Variants in GREB1L observed in about 807,000 individuals in gnomAD.
GREB1L encodes GREB1 like retinoic acid receptor coactivator, also known as GREB1-like protein.
In GREB1L, 17 loss-of-function variants were observed where a neutral mutation model predicts 200.8. That is an observed-to-expected ratio of 0.08 (90% CI 0.06 to 0.13). The LOEUF (loss-of-function observed/expected upper bound fraction) is 0.13, where lower values mean the gene tolerates loss of function less well. Among genes scored for constraint, GREB1L ranks in the 10% least tolerant of loss-of-function variants. The pLI, the probability that GREB1L is intolerant of heterozygous loss-of-function variation, is 1.00. For missense variants in GREB1L, 1,657 were observed against 2,367.7 expected, an observed-to-expected ratio of 0.70 and a Z score of 6.23; for synonymous variants, 789 against 893.0, an observed-to-expected ratio of 0.88 and a Z score of 2.08.
chr18:21,271,121 T>C (rs1465469755), intron 1 of GREB1L, among the ~76,000 whole-genome samples: 1 of 152,208 alleles, frequency 6.6e-6, no homozygotes, highest in Non-Finnish European at 1.5e-5. Context: ...ATTCAATAGA[T>C]GATGACAAAC....
At chr18:21,459,279 C>CTTTTTTTTTTTTTTTTTTTTTTTTTT (rs746568414) in intron 15 of GREB1L, among the ~76,000 whole-genome samples, 13 of 85,912 alleles carry the variant, frequency 1.5e-4, no homozygotes, top group East Asian at 3.8e-4. Context: ...TTTTTCTTTA[C>CTTTTTTTTTTTTTTTTTTTTTTTTTT]TTTTTTTTTT....
chr18:21,400,410 A>T (rs1485966101), intron 5 of GREB1L, among the ~76,000 whole-genome samples: 1 of 152,170 alleles, frequency 6.6e-6, no homozygotes, highest in Non-Finnish European at 1.5e-5. Context: ...TAGGAATCTC[A>T]TGGAACTCCT....
intron 1 of GREB1L, among the ~76,000 whole-genome samples, chr18:21,329,980 G>A (rs2039084439): frequency 1.4e-5 from 2 of 146,934 alleles, no homozygotes; most frequent in South Asian, 4.4e-4. Context: ...GGGGGGGGGG[G>A]GTCTTTATCT....
At chr18:21,465,028 T>C (rs2035212401) in intron 15 of GREB1L, among the ~76,000 whole-genome samples, 1 of 151,792 alleles carries the variant, frequency 6.6e-6, no homozygotes, top group Non-Finnish European at 1.5e-5. Flanking sequence ...ACATGACATG[T>C]TAAGTAAACA....
At chr18:21,487,944 G>A (rs552685543) in intron 18 of GREB1L, among the ~76,000 whole-genome samples, 1 of 151,916 alleles carries the variant, frequency 6.6e-6, no homozygotes, top group Admixed American at 6.6e-5. Context: ...CTGGGAGGCG[G>A]AGGTTGCAGT....
At chr18:21,342,506 G>A (rs570602002) in intron 1 of GREB1L, among the ~76,000 whole-genome samples, 144 of 152,264 alleles carry the variant, frequency 9.5e-4, no homozygotes, top group African/African-American at 3.4e-3. Context: ...CTGCTTTAGG[G>A]TTCTCAAATC....
intron 1 of GREB1L, among the ~76,000 whole-genome samples, chr18:21,343,249 C>A (rs2039294027): frequency 6.6e-6 from 1 of 152,180 alleles, no homozygotes; most frequent in African/African-American, 2.4e-5. Flanking sequence ...CGACTGGATT[C>A]ATGGGTAAAC....
intron 8 of GREB1L, among the ~76,000 whole-genome samples, chr18:21,439,862 A>G (rs1469849032): frequency 1.3e-5 from 2 of 152,234 alleles, no homozygotes; most frequent in Non-Finnish European, 2.9e-5. Flanking sequence ...TGTATAAGGA[A>G]GTGTCTTGAA....
Position 21,462,191 on chromosome 18 carries a change from A to G in GREB1L, c.2182+7628A>G, listed in dbSNP as rs556743958. Among the ~76,000 whole-genome samples the G allele has an allele frequency of 1.8e-4, 28 of 152,326 alleles. No individual in the cohort carries two copies. The South Asian group carries it at 5.0e-3, about 27-fold the overall frequency. Reference sequence around the variant, plus strand: ...CCGCAGGTGCGCCCTGCTGATATCCATGTTTTATTGTGGAGTTGGAAAGGT... The same window carrying G: ...CCGCAGGTGCGCCCTGCTGATATCCGTGTTTTATTGTGGAGTTGGAAAGGT... On this transcript the variant is annotated intron_variant, in intron 15 of 32. Transcript: ENST00000424526.
chr18:21,495,017 C>A (rs1388104805), intron 19 of GREB1L, among the ~76,000 whole-genome samples: 1 of 152,090 alleles, frequency 6.6e-6, no homozygotes, highest in Non-Finnish European at 1.5e-5. Flanking sequence ...AATTACATTA[C>A]CCCTCCAAAT....
intron 1 of GREB1L, among the ~76,000 whole-genome samples, chr18:21,346,165 C>T (rs1465534560): frequency 3.9e-5 from 6 of 152,096 alleles, no homozygotes; most frequent in Admixed American, 6.6e-5. Flanking sequence ...ATTACTTCGC[C>T]GTGTCATCAA....
At chr18:21,451,856 A>G (rs978922518) in intron 13 of GREB1L, among the ~76,000 whole-genome samples, 10 of 152,130 alleles carry the variant, frequency 6.6e-5, no homozygotes, top group African/African-American at 2.4e-4. Context: ...GTCAAGAGAG[A>G]TACAACATGT....
chr18:21,322,985 A>G (rs2038972871), intron 1 of GREB1L, among the ~76,000 whole-genome samples: 1 of 152,152 alleles, frequency 6.6e-6, no homozygotes, highest in African/African-American at 2.4e-5. Context: ...TTCAATACAT[A>G]GAAATAAAAA....
In GREB1L at chr18:21,518,138, C is replaced by T; in HGVS notation, c.5376C>T (p.Phe1792=). Residue 1792 remains phenylalanine (F), a synonymous_variant, in exon 31 of 33, where the codon TTC becomes TTT. Transcript: ENST00000424526. ...CTGCACAGTTTCTCCTGGAGAAATTCCTTCAGCACGCCTCATATAAACTCT... is the reference window on the plus strand; with the variant it reads ...CTGCACAGTTTCTCCTGGAGAAATTTCTTCAGCACGCCTCATATAAACTCT... ...AAPAQFLLEK[F]LQHASYKLFP... 6.4e-7 allele frequency: 1 copy of T among 1,551,634 alleles called. No individual in the cohort carries two copies. Among genetic ancestry groups the T allele is most frequent in the Non-Finnish European group, 8.7e-7 (1 of 1,146,962 alleles).
chr18:21,352,125 C>T (rs1328365197), intron 1 of GREB1L, among the ~76,000 whole-genome samples: 4 of 152,056 alleles, frequency 2.6e-5, no homozygotes, highest in African/African-American at 4.8e-5. Context: ...GGATTACAGG[C>T]GTGAGCCACC....
intron 1 of GREB1L, among the ~76,000 whole-genome samples, chr18:21,250,489 G>C (rs1396939743): frequency 1.3e-5 from 2 of 152,280 alleles, no homozygotes; most frequent in East Asian, 3.9e-4. Context: ...TTCCCAGGTG[G>C]TTTTTATGGA....
At position 21,274,421 on chromosome 18, in the gene GREB1L, T is replaced by C. The variant is rs146807679; in HGVS notation, c.-120+32028T>C. Among the ~76,000 whole-genome samples the C allele has an allele frequency of 3.9e-5, 6 of 152,212 alleles. No individual in the cohort carries two copies. The East Asian group carries it at 1.2e-3, about 29-fold the overall frequency. ...ACACAAACAACACAATTTTTATTTT[T>C]ATTTTTTGAGACTGGGTCTCACTCT... On this transcript the variant is annotated intron_variant, in intron 1 of 32. Transcript: ENST00000424526.
At chr18:21,468,822 T>G (rs1019758148) in intron 15 of GREB1L, 16 of 456,048 alleles carry the variant, frequency 3.5e-5, no homozygotes, top group Admixed American at 2.8e-4. Flanking sequence ...TTCATGACCT[T>G]AAGTGAATAC....
chr18:21,438,502 A>C (rs2145212130), intron 7 of GREB1L, among the ~76,000 whole-genome samples: 1 of 150,940 alleles, frequency 6.6e-6, no homozygotes, highest in South Asian at 2.1e-4. Context: ...CTCTCTCTTA[A>C]AAAAAAAATC....
Sources: gnomAD v4.1 joint callset for allele counts (sites outside exome capture counted in the v4.1 genomes callset) on GRCh38, gnomAD v4.1.1 for gene constraint, MANE v1.5 for transcripts, NCBI Gene and HGNC (gene_info 2026-07-23, HGNC 2026-07-21) for gene names.